The following MIB2 variants were observed in gnomAD, a reference collection of about 807,000 sequenced individuals.
MIB2 encodes the protein E3 ubiquitin-protein ligase MIB2.
Under a neutral mutation model 96.6 loss-of-function variants are expected in MIB2, and 78 were observed. The observed-to-expected ratio is 0.81, with a 90% CI of 0.67 to 0.97. The LOEUF is 0.97. Among genes scored for constraint, MIB2 ranks in the 50% least tolerant of loss-of-function variants. MIB2 has a pLI of 0.00. For synonymous variants in MIB2, 820 were observed against 629.5 expected (o/e 1.30, Z -4.53); for missense variants, 1,543 against 1,424.0 (o/e 1.08, Z -1.35).
chr1:1,615,135 G>C (rs1643469173), upstream of MIB2: 1 of 359,282 alleles, frequency 2.8e-6, no homozygotes, highest in Non-Finnish European at 5.0e-6. Flanking sequence ...TGCAGAACCC[G>C]GGGCGGGAGG....
At position 1,628,492 on chromosome 1, in the gene MIB2, C is replaced by G. The variant is rs371873507; in HGVS notation, c.1972C>G (p.Arg658Gly). The G allele has an allele frequency of 2.2e-5, 35 of 1,597,774 alleles. No individual in the cohort carries two copies. In the African/African-American group the frequency reaches 4.0e-4, roughly 18 times the overall value. The change falls in exon 16 of 20, where the codon CGC (arginine) becomes GGC (glycine). Residue 658 changes from arginine (R) to glycine (G), a missense_variant. By Grantham distance (125) the Arg-to-Gly change is moderately radical. Transcript: ENST00000355826. Reference sequence around the variant, plus strand: ...GCCCGTCCCCACCCCTCCCCAGGGCCGCTGTGACGTGAACGTGCGCAACCG... The same window carrying G: ...GCCCGTCCCCACCCCTCCCCAGGGCGGCTGTGACGTGAACGTGCGCAACCG... ...EVAQILIREG[R>G]CDVNVRNRKL...
intron 1 of MIB2, chr1:1,615,842 C>A (rs1230781185): frequency 1.6e-6 from 2 of 1,233,854 alleles, no homozygotes; most frequent in Non-Finnish European, 2.0e-6. Flanking sequence ...TCCGGCCACC[C>A]GCGCGGGACT....
rs777861240 is a variant in MIB2, at chr1:1,625,017, G to A, written c.553G>A (p.Val185Met). Residue 185 changes from valine (V) to methionine (M), a missense_variant, in exon 6 of 20, where the codon GTG becomes ATG. By Grantham distance (21) the Val-to-Met change is conservative. Transcript: ENST00000355826. The surrounding 1 kb of genome is among the most constrained non-coding windows in gnomAD (Gnocchi z 5.0). ...DGGEGKPGRV[V>M]DIRGWDVETG... ...AGGGGAAGGGAAACCGGGCCGTGTG[G>A]TGGACATCCGTGGCTGGGATGTGGA... 1.2e-6 allele frequency: 2 copies of A among 1,612,854 alleles called. No homozygotes were observed. Among genetic ancestry groups the A allele is most frequent in the Admixed American group, 1.7e-5 (1 of 60,012 alleles).
Position 1,628,605 on chromosome 1 carries a change from CGCCGAG to C in MIB2, c.2087_2092del (p.Ala696_Glu697del), listed in dbSNP as rs1645045848. ...TGGTGGACGCTGGGTGCAGTGTCAA[CGCCGAG>C]GACGAGGAGGGGGACACAGCCCTGC... On this transcript the variant is annotated inframe_deletion, in exon 16 of 20. Coordinates refer to ENST00000355826, the MANE Select transcript of MIB2 (RefSeq NM_001170687.4). The C allele has an allele frequency of 6.3e-7, 1 of 1,599,252 alleles. No homozygotes were observed. The highest frequency in any genetic ancestry group is 1.3e-5 in the African/African-American group (1 of 74,826).
chr1:1,630,486 A>G lies in MIB2; in HGVS notation c.2824A>G (p.Ile942Val), dbSNP rs1205395327. The change falls in exon 20 of 20, where the codon ATC becomes GTC. Residue 942 changes from isoleucine to valine, a missense_variant. Coordinates refer to ENST00000355826, the MANE Select transcript of MIB2 (RefSeq NM_001170687.4). ...CGGCTCCGCGCTCAGCGCCTGCCCCATCTGCCGCCAGCCCATCCGCGACCG... is the reference window on the plus strand; with the variant it reads ...CGGCTCCGCGCTCAGCGCCTGCCCCGTCTGCCGCCAGCCCATCCGCGACCG... ...PCGSALSACP[I>V]CRQPIRDRIQ... The G allele has an allele frequency of 1.9e-6, 3 of 1,592,822 alleles. No homozygotes were observed. The highest frequency in any genetic ancestry group is 2.3e-5 in the East Asian group (1 of 43,774).
upstream of MIB2, chr1:1,615,168 C>T (rs1187614478): frequency 4.5e-6 from 2 of 441,116 alleles, no homozygotes; most frequent in Non-Finnish European, 7.9e-6. Flanking sequence ...TGCCGTTTCT[C>T]GCTGTGTCCA....
At position 1,615,580 on chromosome 1, in the gene MIB2, C is replaced by A. The variant is rs1422657025; in HGVS notation, c.-183C>A. 3.2e-6 allele frequency: 5 copies of A among 1,547,190 alleles called. No homozygotes were observed. Among genetic ancestry groups the A allele is most frequent in the Non-Finnish European group, 4.3e-6 (5 of 1,150,394 alleles). On this transcript the variant is annotated 5_prime_UTR_variant, in exon 1 of 20. Coordinates refer to ENST00000355826, the MANE Select transcript of MIB2 (RefSeq NM_001170687.4). ...GGAGGGCCTGGGAGCCCGAAGCCGT[C>A]CCCGAGTCGCTCCTAGGTCACTGGC...
Position 1,625,479 on chromosome 1 carries a change from G to T in MIB2, c.864+51G>T. ...GTGTGCCCTGCCCTCCCAGCCCTCC[G>T]CCCCCTCAGCCCCTTCCTCCCCAAG... On this transcript the variant is annotated intron_variant, in intron 7 of 19. Transcript: ENST00000355826. The surrounding 1 kb of genome is among the most constrained non-coding windows in gnomAD (Gnocchi z 5.0). 1 of 742,228 alleles carries T rather than the reference G, an allele frequency of 1.3e-6. No homozygotes were observed. The highest frequency in any genetic ancestry group is 2.1e-6 in the Non-Finnish European group (1 of 474,018). The allele number at this position is 742,228 out of a possible 1,614,324, so 46.0% of individuals were successfully genotyped here. A position where few individuals can be genotyped will look rare whatever the true frequency, so the allele number is the denominator to read the frequency against.
At chr1:1,623,410 C>T in intron 2 of MIB2, 21 bp from the exon 3 acceptor site, 1 of 1,601,168 alleles carries the variant, frequency 6.2e-7, no homozygotes. Flanking sequence ...CCCGGCCCAC[C>T]ATGGACCCCT....
intron 2 of MIB2, among the ~76,000 whole-genome samples, chr1:1,622,435 C>T (rs1326587937): frequency 6.6e-6 from 1 of 152,220 alleles, no homozygotes; most frequent in Non-Finnish European, 1.5e-5. Flanking sequence ...AGAGTGAGCT[C>T]TCGGGGGTCA....
intron 2 of MIB2, among the ~76,000 whole-genome samples, chr1:1,622,487 G>C (rs1644351727): frequency 6.6e-6 from 1 of 152,240 alleles, no homozygotes; most frequent in African/African-American, 2.4e-5. Context: ...CTCGAGCCCT[G>C]TGGCTGACTC....
chr1:1,629,045 C>T, intron 16 of MIB2, 88 bp from the exon 17 acceptor site: 6 of 1,305,034 alleles, frequency 4.6e-6, no homozygotes, highest in Non-Finnish European at 5.0e-6. Flanking sequence ...CATGGGGCGC[C>T]GGCTGCTGGG....
In MIB2 at chr1:1,623,929, A is replaced by G. The variant is rs1305627231; in HGVS notation, c.403A>G (p.Thr135Ala). 1.9e-6 allele frequency: 3 copies of G among 1,608,546 alleles called. No homozygotes were observed. The highest frequency in any genetic ancestry group is 1.7e-5 in the Admixed American group (1 of 59,836). ...CGCCCACGCCTTCGACCGCTACGAG[A>G]CCGCTCACTCGCGCCCGTGAGTCCC... ...ELAHAFDRYE[T>A]AHSRPVTLSP... Residue 135 changes from threonine to alanine, a missense_variant, in exon 4 of 20, where the codon ACC becomes GCC. Coordinates refer to ENST00000355826, the MANE Select transcript of MIB2 (RefSeq NM_001170687.4).
Position 1,625,524 on chromosome 1 carries a change from A to G in MIB2, c.865-22A>G, listed in dbSNP as rs1219639953. The G allele has an allele frequency of 7.1e-7, 1 of 1,415,452 alleles. No homozygotes were observed. Among genetic ancestry groups the G allele is most frequent in the African/African-American group, 1.5e-5 (1 of 68,082 alleles). The allele number at this position is 1,415,452 out of a possible 1,614,324, so 87.7% of individuals were successfully genotyped here. A position where few individuals can be genotyped will look rare whatever the true frequency, so the allele number is the denominator to read the frequency against. ...CCCAAGCGTCCAGCCCGACCCAGCC[A>G]CAGCTCCATGACCCGCCACAGTTTA... On this transcript the variant is annotated intron_variant, in intron 7 of 19. Coordinates refer to ENST00000355826, the MANE Select transcript of MIB2 (RefSeq NM_001170687.4). The surrounding 1 kb of genome is among the most constrained non-coding windows in gnomAD (Gnocchi z 5.0).
At chr1:1,618,579 C>T (rs1216059312) in intron 2 of MIB2, 2 of 152,406 alleles carry the variant, frequency 1.3e-5, no homozygotes, top group Admixed American at 1.3e-4. Flanking sequence ...GTCCTGTGGC[C>T]AGTACCCTCG....
upstream of MIB2, chr1:1,615,397 G>C (rs1487443134): frequency 6.9e-7 from 1 of 1,448,922 alleles, no homozygotes; most frequent in South Asian, 1.4e-5. Flanking sequence ...AGGCGACGCA[G>C]ACGCTCCCGC....
chr1:1,624,919 G>A lies in MIB2; in HGVS notation c.526+18G>A, dbSNP rs758271301. 2 of 1,610,730 alleles carry A rather than the reference G, an allele frequency of 1.2e-6. No homozygotes were observed. Among genetic ancestry groups the A allele is most frequent in the African/African-American group, 2.7e-5 (2 of 74,922 alleles). On this transcript the variant is annotated intron_variant, in intron 5 of 19. Coordinates refer to ENST00000355826, the MANE Select transcript of MIB2 (RefSeq NM_001170687.4). ...ACAGGATGGTGAGTGGAGGCAGAGG[G>A]GCGGGGTCAGGGCTGGGCTGTGGCT...
At chr1:1,615,654 C>T (rs948448337) in intron 1 of MIB2, 21 bp downstream of exon 1, 2 of 1,569,610 alleles carry the variant, frequency 1.3e-6, no homozygotes, top group Non-Finnish European at 1.7e-6. Flanking sequence ...GCGCGGATCT[C>T]CTCCCCTGGT....
rs1413416122 is a variant in MIB2 at position 1,627,379 on chromosome 1, A to T, written c.1458A>T (p.Gln486His). 1 of 1,613,034 alleles carries T rather than the reference A, an allele frequency of 6.2e-7. No homozygotes were observed. The highest frequency in any genetic ancestry group is 1.1e-5 in the South Asian group (1 of 91,080). ...GQVELIRLLLQARAGVDLPDD... is the reference protein window; with the variant it reads ...GQVELIRLLLHARAGVDLPDD... ...TGGAGTTGATACGGCTGCTGCTACAAGCCAGGGCGGGCGTGGACCTGCCGG... is the reference window on the plus strand; with the variant it reads ...TGGAGTTGATACGGCTGCTGCTACATGCCAGGGCGGGCGTGGACCTGCCGG... Residue 486 changes from glutamine (Q) to histidine (H), a missense_variant, in exon 12 of 20, where the codon CAA (glutamine) becomes CAT (histidine). Transcript: ENST00000355826.
Sources: gnomAD v4.1 joint callset for allele counts (sites outside exome capture counted in the v4.1 genomes callset) on GRCh38, gnomAD v4.1.1 for gene constraint, Gnocchi (gnomAD v3.1) non-coding constraint, MANE v1.5 for transcripts, NCBI Gene and HGNC (gene_info 2026-07-23, HGNC 2026-07-21) for gene names.